The following PALM2AKAP2 variants were observed in gnomAD, a reference collection of about 807,000 sequenced individuals.
PALM2AKAP2 encodes the protein PALM2 and AKAP2 fusion, also known as PALM2-AKAP2 fusion protein.
Under a neutral mutation model 71.5 loss-of-function variants are expected in PALM2AKAP2, and 37 were observed. The observed-to-expected ratio is 0.52, with a 90% CI of 0.40 to 0.68. The LOEUF (loss-of-function observed/expected upper bound fraction) is 0.68. Ranked by LOEUF, PALM2AKAP2 falls within the 30% of genes least tolerant of loss-of-function variation. The pLI, the probability that PALM2AKAP2 is intolerant of heterozygous loss-of-function variation, is 0.00. For synonymous variants in PALM2AKAP2, 468 were observed against 478.8 expected, an observed-to-expected ratio of 0.98 and a Z score of 0.29; for missense variants, 1,224 against 1,191.8, an observed-to-expected ratio of 1.03 and a Z score of -0.40.
intron 1 of PALM2AKAP2, among the ~76,000 whole-genome samples, chr9:109,721,135 A>G (rs1828399502): frequency 6.6e-6 from 1 of 152,190 alleles, no homozygotes; most frequent in Non-Finnish European, 1.5e-5. Context: ...GGTTAACTGG[A>G]TGGCTGAATT....
chr9:109,921,682 A>G (rs2131947291), intron 3 of PALM2AKAP2, among the ~76,000 whole-genome samples: 1 of 152,334 alleles, frequency 6.6e-6, no homozygotes, highest in South Asian at 2.1e-4. Flanking sequence ...TGAGTTTCCT[A>G]GAGGAGGAAA....
intron 1 of PALM2AKAP2, among the ~76,000 whole-genome samples, chr9:109,673,279 G>A (rs1447951422): frequency 1.3e-5 from 2 of 152,090 alleles, no homozygotes; most frequent in Non-Finnish European, 2.9e-5. Context: ...TGACTTAGCT[G>A]TGTCCCAGAG....
chr9:109,926,095 C>G (rs538728280), intron 5 of PALM2AKAP2, among the ~76,000 whole-genome samples: 2 of 152,256 alleles, frequency 1.3e-5, no homozygotes, highest in South Asian at 4.1e-4. Flanking sequence ...AGGTCAACCT[C>G]TAGACTAGGA....
chr9:109,694,308 A>T (rs1431810066), intron 1 of PALM2AKAP2, among the ~76,000 whole-genome samples: 1 of 152,108 alleles, frequency 6.6e-6, no homozygotes, highest in Non-Finnish European at 1.5e-5. Flanking sequence ...AAAATCAGCC[A>T]TTAAGAAAAA....
At chr9:109,992,391 TTAAGA>T (rs1448613446) in intron 6 of PALM2AKAP2, among the ~76,000 whole-genome samples, 2 of 152,216 alleles carry the variant, frequency 1.3e-5, no homozygotes, top group Non-Finnish European at 2.9e-5. Flanking sequence ...GTACTAGGGG[TTAAGA>T]TTTCAAAATA....
At chr9:109,740,265 G>T (rs1828698245) in intron 1 of PALM2AKAP2, among the ~76,000 whole-genome samples, 2 of 152,170 alleles carry the variant, frequency 1.3e-5, no homozygotes, top group South Asian at 4.1e-4. Flanking sequence ...TTCATTCCAG[G>T]GAAAAGGGAC....
chr9:110,022,142 A>T (rs1048156712), intron 7 of PALM2AKAP2, among the ~76,000 whole-genome samples: 1 of 152,090 alleles, frequency 6.6e-6, no homozygotes, highest in African/African-American at 2.4e-5. Flanking sequence ...CTTCAGTTTC[A>T]TTTTTAGCAT....
chr9:109,916,841 A>G (rs1427161599), intron 3 of PALM2AKAP2, among the ~76,000 whole-genome samples: 2 of 152,158 alleles, frequency 1.3e-5, no homozygotes, highest in South Asian at 2.1e-4. Context: ...CAGACATACT[A>G]TTGCCCCTGT....
intron 1 of PALM2AKAP2, among the ~76,000 whole-genome samples, chr9:109,847,907 T>G (rs1828907480): frequency 1.3e-5 from 2 of 152,212 alleles, no homozygotes; most frequent in South Asian, 4.1e-4. Context: ...TATATTCTTT[T>G]TATAAGTAAG....
chr9:109,973,162 C>G (rs1832104367), intron 6 of PALM2AKAP2, among the ~76,000 whole-genome samples: 1 of 152,194 alleles, frequency 6.6e-6, no homozygotes, highest in Admixed American at 6.5e-5. Flanking sequence ...TTAAATTTAT[C>G]TTAGTGATTG....
chr9:109,893,344 A>T (rs1234856590), intron 3 of PALM2AKAP2, among the ~76,000 whole-genome samples: 2 of 152,262 alleles, frequency 1.3e-5, no homozygotes, highest in African/African-American at 2.4e-5. Context: ...CAGAAGAAAT[A>T]GGACAATATG....
chr9:110,066,254 G>A (rs557931428), intron 1 of PALM2AKAP2, among the ~76,000 whole-genome samples: 142 of 152,324 alleles, frequency 9.3e-4, no homozygotes, highest in African/African-American at 3.3e-3. Flanking sequence ...GCAGAGTTAA[G>A]GAGCCCAAGC....
At chr9:109,932,450 G>A (rs1465701115) in intron 6 of PALM2AKAP2, among the ~76,000 whole-genome samples, 3 of 152,206 alleles carry the variant, frequency 2.0e-5, no homozygotes, top group Admixed American at 2.0e-4. Context: ...AATCCTTTGG[G>A]AATTGTGCTA....
intron 7 of PALM2AKAP2, among the ~76,000 whole-genome samples, chr9:110,018,965 G>C (rs957816969): frequency 1.3e-5 from 2 of 152,028 alleles, no homozygotes; most frequent in African/African-American, 4.8e-5. Flanking sequence ...CTCACGACTG[G>C]GCATGGTGGC....
intron 1 of PALM2AKAP2, among the ~76,000 whole-genome samples, chr9:109,808,826 G>A (rs1827648821): frequency 6.6e-6 from 1 of 152,250 alleles, no homozygotes; most frequent in Non-Finnish European, 1.5e-5. Flanking sequence ...TTGCTGCTTT[G>A]TGCAGTCTTG....
At chr9:109,797,822 A>G (rs539134238) in intron 1 of PALM2AKAP2, among the ~76,000 whole-genome samples, 3 of 152,356 alleles carry the variant, frequency 2.0e-5, no homozygotes, top group South Asian at 4.1e-4. Context: ...TTGGGTTAGT[A>G]TCTGTGGCTT....
At chr9:109,982,562 A>G (rs1011039559) in intron 6 of PALM2AKAP2, among the ~76,000 whole-genome samples, 5 of 152,222 alleles carry the variant, frequency 3.3e-5, no homozygotes, top group African/African-American at 7.2e-5. Context: ...TGCCAGTATC[A>G]AAATATATAA....
intron 1 of PALM2AKAP2, among the ~76,000 whole-genome samples, chr9:110,111,915 T>C (rs1008908439): frequency 3.3e-5 from 5 of 152,132 alleles, no homozygotes; most frequent in Admixed American, 6.6e-5. Flanking sequence ...ACCCAGCCCC[T>C]GTCATTTCCT....
chr9:110,050,542 G>T (rs1833689477), intron 1 of PALM2AKAP2, among the ~76,000 whole-genome samples: 1 of 152,200 alleles, frequency 6.6e-6, no homozygotes, highest in Non-Finnish European at 1.5e-5. Context: ...TTGGCCTAAA[G>T]AGTGTTTTAA....
Sources: allele counts gnomAD v4.1 joint callset (sites outside exome capture counted in the v4.1 genomes callset), GRCh38; gene constraint gnomAD v4.1.1; transcripts MANE v1.5; gene names NCBI Gene and HGNC (gene_info 2026-07-23, HGNC 2026-07-21).